ARAP1: variants seen among roughly 807,000 people sequenced by gnomAD.
The protein encoded by ARAP1 is ArfGAP with RhoGAP domain, ankyrin repeat and PH domain 1.
In ARAP1, 76 loss-of-function variants were observed where a neutral mutation model predicts 172.2. That is an observed-to-expected ratio of 0.44 (90% CI 0.37 to 0.53). ARAP1 has a LOEUF of 0.53. Ranked by LOEUF, ARAP1 falls within the 20% of genes least tolerant of loss-of-function variation. The probability of loss-of-function intolerance (pLI) is 0.00; values close to 1 mark genes in which losing one functional copy is unlikely to be tolerated. For missense variants in ARAP1, 1,686 were observed against 1,977.5 expected, an observed-to-expected ratio of 0.85 and a Z score of 2.80; for synonymous variants, 804 against 803.3, an observed-to-expected ratio of 1.00 and a Z score of -0.01.
intron 1 of ARAP1, among the ~76,000 whole-genome samples, chr11:72,734,736 A>G (rs539955578): frequency 6.6e-6 from 1 of 152,148 alleles, no homozygotes; most frequent in African/African-American, 2.4e-5. Flanking sequence ...TGTGCTGTCC[A>G]ATAGCAGCCA....
chr11:72,712,129 G>A lies in ARAP1; in HGVS notation c.1022+67C>T. Reference sequence around the variant, plus strand: ...GATCAGTGAGTGATACCAGTGTCCTGGGGTCCTGGACACTGCCCCCCACCC... The same window carrying A: ...GATCAGTGAGTGATACCAGTGTCCTAGGGTCCTGGACACTGCCCCCCACCC... On this transcript the variant is annotated intron_variant, in intron 7 of 34. Coordinates refer to ENST00000393609, the MANE Select transcript of ARAP1 (RefSeq NM_001040118.3). 2.0e-6 allele frequency: 3 copies of A among 1,484,242 alleles called. No homozygotes were observed. In the African/African-American group the frequency reaches 4.2e-5, roughly 21 times the overall value. 91.9% of individuals were successfully genotyped at this position (1,484,242 alleles called of 1,614,324 possible).
intron 12 of ARAP1, among the ~76,000 whole-genome samples, chr11:72,706,779 C>G (rs1856783311): frequency 6.6e-6 from 1 of 152,152 alleles, no homozygotes; most frequent in Non-Finnish European, 1.5e-5. Context: ...CATCGCCCTC[C>G]AGACAAAAAC....
chr11:72,737,065 T>A (rs1474264875), intron 1 of ARAP1, among the ~76,000 whole-genome samples: 1 of 152,192 alleles, frequency 6.6e-6, no homozygotes, highest in East Asian at 1.9e-4. Flanking sequence ...GACTGCCCCC[T>A]CAAGCTCCTA....
chr11:72,698,967 C>G, intron 18 of ARAP1, 38 bp downstream of exon 18: 5 of 1,606,800 alleles, frequency 3.1e-6, no homozygotes, highest in Non-Finnish European at 4.3e-6. Context: ...CTTCCCCAGT[C>G]AGACACCCTT....
intron 30 of ARAP1, 81 bp from the exon 31 acceptor site, chr11:72,688,618 C>A (rs1162362740): frequency 2.5e-6 from 3 of 1,191,494 alleles, no homozygotes; most frequent in African/African-American, 1.5e-5. Flanking sequence ...GCAGCTCCCT[C>A]TTCCAACTCC....
intron 3 of ARAP1, among the ~76,000 whole-genome samples, chr11:72,719,751 A>G (rs1251444433): frequency 6.6e-6 from 1 of 152,130 alleles, no homozygotes; most frequent in African/African-American, 2.4e-5. Context: ...AGCAGTCTGC[A>G]TATCTCAGGC....
At chr11:72,715,543 TG>T (rs35541481) in intron 3 of ARAP1, among the ~76,000 whole-genome samples, 1 of 150,670 alleles carries the variant, frequency 6.6e-6, no homozygotes, top group Non-Finnish European at 1.5e-5. Flanking sequence ...GTTCTCTGCC[TG>T]GGAATATCCA....
Position 72,712,216 on chromosome 11 carries a change from C to T in ARAP1, c.1002G>A (p.Leu334=). 1.2e-6 allele frequency: 2 copies of T among 1,606,198 alleles called. No homozygotes were observed. Among genetic ancestry groups the T allele is most frequent in the Admixed American group, 3.4e-5 (2 of 59,454 alleles). The part of the protein sequence containing the change: ...PVTPVIKAGW[L]DKNPPQGSYI... ...CTCACCCCTGCGGTGGGTTCTTGTC[C>T]AGCCAGCCAGCCTTGATGACTGGTG... Residue 334 remains leucine (L), a synonymous_variant, in exon 7 of 35, where the codon CTG becomes CTA. Coordinates refer to ENST00000393609, the MANE Select transcript of ARAP1 (RefSeq NM_001040118.3).
chr11:72,726,953 C>T lies in ARAP1; in HGVS notation c.176G>A (p.Arg59His), dbSNP rs1393767675. 2.5e-6 allele frequency: 4 copies of T among 1,597,870 alleles called. No individual in the cohort carries two copies. Among genetic ancestry groups the T allele is most frequent in the Middle Eastern group, 1.7e-4 (1 of 6,046 alleles). The change falls in exon 3 of 35, where the codon CGC becomes CAC. Residue 59 changes from arginine (R) to histidine (H), a missense_variant. Transcript: ENST00000393609. This position sits in a 1 kb window ranked among gnomAD's most constrained non-coding sequence, Gnocchi z 6.5. ...GGCACGGAGCAGGCCAGCCAGGATG[C>T]GGCGGCGGTGACCAGGGAGTAGCAT... Reference protein sequence around the residue: ...MGMLLPGHRRRILAGLLRAHT... With the variant: ...MGMLLPGHRRHILAGLLRAHT...
chr11:72,740,417 C>T (rs1482977263), intron 1 of ARAP1, among the ~76,000 whole-genome samples: 2 of 152,336 alleles, frequency 1.3e-5, no homozygotes, highest in Non-Finnish European at 2.9e-5. Flanking sequence ...TCACTTTCTA[C>T]AACCTTCATG....
At chr11:72,690,521 T>C (rs532400467) in intron 30 of ARAP1, among the ~76,000 whole-genome samples, 1 of 152,136 alleles carries the variant, frequency 6.6e-6, no homozygotes, top group Non-Finnish European at 1.5e-5. Flanking sequence ...CCTGAGTAGC[T>C]GGGACTACAA....
chr11:72,697,119 C>A lies in ARAP1; in HGVS notation c.3030G>T (p.Gln1010His). The change falls in exon 22 of 35, where the codon CAG becomes CAT. Residue 1010 changes from glutamine (Q) to histidine (H), a missense_variant. Gln to His is a conservative substitution (Grantham distance 24, BLOSUM62 0). This residue lies in a region of ARAP1 where 274 missense variants were observed against 262.7 expected (regional missense o/e 1.04). Transcript: ENST00000393609. ...KTQRLLESLR[Q>H]DARSVHLKEG... is the part of the protein sequence containing the mutation. ...CCTTGAGGTGCACAGAGCGCGCATC[C>A]TGCCGCAGGCTCTCCAGCAGCCGCT... The A allele has an allele frequency of 1.9e-6, 3 of 1,607,056 alleles. No individual in the cohort carries two copies. Among genetic ancestry groups the A allele is most frequent in the Non-Finnish European group, 2.5e-6 (3 of 1,179,890 alleles).
At position 72,725,306 on chromosome 11, in the gene ARAP1, CTCTCTCTCTCTCTTTT is replaced by C. The variant is rs1160127033; in HGVS notation, c.509+1298_509+1313del. ...CTTCTCTCTTCTAACCTCTCTCTCTCTCTCTCTCTCTCTTTTTCTCTCTCTCTCTCCCCCCCACAAG... is the reference window on the plus strand; with the variant it reads ...CTTCTCTCTTCTAACCTCTCTCTCTCTCTCTCTCTCTCTCCCCCCCACAAG... On this transcript the variant is annotated intron_variant, in intron 3 of 34. Coordinates refer to ENST00000393609, the MANE Select transcript of ARAP1 (RefSeq NM_001040118.3). The surrounding 1 kb of genome is among the most constrained non-coding windows in gnomAD (Gnocchi z 4.3). Among the ~76,000 whole-genome samples the C allele has an allele frequency of 2.0e-5, 3 of 152,074 alleles. No individual in the cohort carries two copies. Among genetic ancestry groups the C allele is most frequent in the African/African-American group, 4.8e-5 (2 of 41,514 alleles).
At chr11:72,733,872 G>A (rs954892889) in intron 1 of ARAP1, among the ~76,000 whole-genome samples, 1 of 152,182 alleles carries the variant, frequency 6.6e-6, no homozygotes, top group African/African-American at 2.4e-5. Context: ...TGCCCCAGCT[G>A]GAGTGCAGTA....
intron 8 of ARAP1, 53 bp from the exon 9 acceptor site, chr11:72,711,194 C>A: frequency 6.2e-7 from 1 of 1,602,776 alleles, no homozygotes; most frequent in African/African-American, 1.3e-5. Flanking sequence ...GCTGACTCCC[C>A]CAGCCTCAGC....
Position 72,726,487 on chromosome 11 carries a change from A to G in ARAP1, c.509+133T>C, listed in dbSNP as rs1397060836. 1 of 1,223,624 alleles carries G rather than the reference A, an allele frequency of 8.2e-7. No homozygotes were observed. The highest frequency in any genetic ancestry group is 1.1e-6 in the Non-Finnish European group (1 of 906,716). The allele number at this position is 1,223,624 out of a possible 1,614,324, so 75.8% of individuals were successfully genotyped here. On this transcript the variant is annotated intron_variant, in intron 3 of 34. Transcript: ENST00000393609. This position sits in a 1 kb window ranked among gnomAD's most constrained non-coding sequence, Gnocchi z 6.5. ...CACCAGACAGCAATCCTGTCCTCCG[A>G]GCTTTGCACACGCTGTTCCCCCTGC...
chr11:72,687,336 T>G (rs1855734469), intron 33 of ARAP1, 103 bp downstream of exon 33: 1 of 1,430,978 alleles, frequency 7.0e-7, no homozygotes, highest in East Asian at 2.3e-5. Context: ...AAAATCTCCT[T>G]GAAGCAAGGG....
chr11:72,697,544 G>A, intron 20 of ARAP1, 54 bp downstream of exon 20: 2 of 1,613,308 alleles, frequency 1.2e-6, no homozygotes, highest in Non-Finnish European at 1.7e-6. Flanking sequence ...CTGTCCCCAG[G>A]CCCATCAGAC....
At chr11:72,751,257 G>A (rs917645468) in intron 1 of ARAP1, among the ~76,000 whole-genome samples, 4 of 152,102 alleles carry the variant, frequency 2.6e-5, no homozygotes, top group African/African-American at 9.7e-5. Flanking sequence ...CTACACCTCT[G>A]CCAGCCACAC....
Sources: allele counts gnomAD v4.1 joint callset (sites outside exome capture counted in the v4.1 genomes callset), GRCh38; gene constraint gnomAD v4.1.1; regional missense constraint gnomAD v4.1.1; non-coding constraint Gnocchi (gnomAD v3.1); transcripts MANE v1.5; gene names NCBI Gene and HGNC (gene_info 2026-07-23, HGNC 2026-07-21).